Variants in TMEM132D observed in about 807,000 individuals in gnomAD.
TMEM132D encodes the protein transmembrane protein 132D, also known as mature OL transmembrane protein.
In TMEM132D, 21 loss-of-function variants were observed where a neutral mutation model predicts 62.3. That is an observed-to-expected ratio of 0.34 (90% CI 0.24 to 0.49). The LOEUF is 0.49. TMEM132D is among the 20% of genes least tolerant of loss of function. TMEM132D has a pLI of 0.99. For synonymous variants in TMEM132D, 621 were observed against 575.6 expected (o/e 1.08, Z -1.13); for missense variants, 1,346 against 1,402.8 (o/e 0.96, Z 0.65).
At chr12:129,810,963 G>A (rs1467752259) in intron 1 of TMEM132D, among the ~76,000 whole-genome samples, 2 of 151,840 alleles carry the variant, frequency 1.3e-5, no homozygotes, top group South Asian at 2.1e-4. Flanking sequence ...GGAAAGTTAT[G>A]GAAAATAAGA....
At chr12:129,348,152 C>T (rs1261622321) in intron 3 of TMEM132D, among the ~76,000 whole-genome samples, 1 of 152,124 alleles carries the variant, frequency 6.6e-6, no homozygotes, top group Non-Finnish European at 1.5e-5. Flanking sequence ...TGTGGCGATT[C>T]CCCAAGGATC....
rs1028544754 is a variant in TMEM132D at position 129,099,843 on chromosome 12, T to C, written c.1444-15141A>G. On this transcript the variant is annotated intron_variant, in intron 5 of 8. Transcript: ENST00000422113. ...TTTTTTTATTTTTATTTTTATTTTT[T>C]GAGACGGAGTCTCGCTCTGTCGCCC... 4.6e-5 allele frequency among the ~76,000 whole-genome samples: 6 copies of C among 131,118 alleles called. 2 individuals carry two copies. Among genetic ancestry groups the C allele is most frequent in the African/African-American group, 2.7e-4 (6 of 22,178 alleles). The allele number at this position is 131,118 out of a possible 152,430, so 86.0% of individuals were successfully genotyped here.
chr12:129,360,182 G>A (rs1323425989), intron 3 of TMEM132D, among the ~76,000 whole-genome samples: 1 of 152,132 alleles, frequency 6.6e-6, no homozygotes, highest in Non-Finnish European at 1.5e-5. Flanking sequence ...AAACCCCGGT[G>A]ATGATGACAG....
intron 4 of TMEM132D, among the ~76,000 whole-genome samples, chr12:129,295,284 C>T (rs1370898780): frequency 6.6e-6 from 1 of 152,158 alleles, no homozygotes; most frequent in East Asian, 1.9e-4. Flanking sequence ...GCCGGCTACA[C>T]ACTACAGAAC....
At chr12:129,583,081 T>G (rs1202450194) in intron 2 of TMEM132D, among the ~76,000 whole-genome samples, 1 of 152,216 alleles carries the variant, frequency 6.6e-6, no homozygotes, top group East Asian at 1.9e-4. Flanking sequence ...GTGCTGGGAT[T>G]ACAGGCGTGA....
intron 2 of TMEM132D, among the ~76,000 whole-genome samples, chr12:129,612,759 CT>C (rs1878810502): frequency 6.6e-6 from 1 of 152,012 alleles, no homozygotes; most frequent in African/African-American, 2.4e-5. Context: ...TTAGTCTGAC[CT>C]TTTGCCCCTG....
chr12:129,132,390 A>T (rs78532359), intron 5 of TMEM132D, among the ~76,000 whole-genome samples: 1,668 of 152,306 alleles, frequency 0.011, 31 homozygotes, highest in African/African-American at 0.038. Context: ...TATTTCAAAG[A>T]CAAATAAGGG....
At chr12:129,163,204 A>C (rs1477822100) in intron 5 of TMEM132D, among the ~76,000 whole-genome samples, 1 of 152,250 alleles carries the variant, frequency 6.6e-6, no homozygotes, top group Non-Finnish European at 1.5e-5. Flanking sequence ...ACAAGTTGTA[A>C]TTGTGTTTGT....
chr12:129,621,163 C>G (rs1238675622), intron 2 of TMEM132D, among the ~76,000 whole-genome samples: 1 of 152,030 alleles, frequency 6.6e-6, no homozygotes, highest in Non-Finnish European at 1.5e-5. Flanking sequence ...CATCTCAGAA[C>G]AAACACTGTA....
intron 1 of TMEM132D, among the ~76,000 whole-genome samples, chr12:129,719,382 G>C (rs1341815884): frequency 6.6e-6 from 1 of 152,186 alleles, no homozygotes; most frequent in Non-Finnish European, 1.5e-5. Context: ...ACATTTCCTT[G>C]AATGGAAAAA....
chr12:129,494,511 G>T (rs1230356229), intron 3 of TMEM132D, among the ~76,000 whole-genome samples: 2 of 152,126 alleles, frequency 1.3e-5, no homozygotes, highest in African/African-American at 4.8e-5. Context: ...ATGTTGACAG[G>T]ATATGTAAAT....
chr12:129,321,726 T>A (rs1231463433), intron 4 of TMEM132D, among the ~76,000 whole-genome samples: 1 of 148,400 alleles, frequency 6.7e-6, no homozygotes, highest in Non-Finnish European at 1.5e-5. Flanking sequence ...GCCCAGCTAA[T>A]TTTTTTGTAT....
chr12:129,356,727 T>C (rs2044847772), intron 3 of TMEM132D, among the ~76,000 whole-genome samples: 2 of 151,248 alleles, frequency 1.3e-5, no homozygotes, highest in Admixed American at 1.3e-4. Flanking sequence ...TAGCCAGGCA[T>C]GGTGGTGTGT....
At chr12:129,244,790 G>A (rs983946203) in intron 4 of TMEM132D, among the ~76,000 whole-genome samples, 3 of 151,974 alleles carry the variant, frequency 2.0e-5, no homozygotes, top group African/African-American at 7.2e-5. Context: ...ACAGGTGTGG[G>A]CCACCACACC....
At chr12:129,363,464 T>C (rs1244345743) in intron 3 of TMEM132D, among the ~76,000 whole-genome samples, 1 of 152,256 alleles carries the variant, frequency 6.6e-6, no homozygotes, top group Non-Finnish European at 1.5e-5. Flanking sequence ...TATTAATTGA[T>C]AGTGATGATC....
intron 2 of TMEM132D, among the ~76,000 whole-genome samples, chr12:129,537,158 TAAA>T (rs10635477): frequency 2.6e-5 from 3 of 114,354 alleles, no homozygotes; most frequent in East Asian, 2.7e-4. Context: ...AAACTCTGTC[TAAA>T]AAAAAAAAAA....
At chr12:129,720,998 G>A (rs920151273) in intron 1 of TMEM132D, among the ~76,000 whole-genome samples, 1 of 152,228 alleles carries the variant, frequency 6.6e-6, no homozygotes, top group African/African-American at 2.4e-5. Flanking sequence ...TCACTGCAGG[G>A]GAAGATGGGG....
intron 1 of TMEM132D, among the ~76,000 whole-genome samples, chr12:129,760,649 T>C (rs1212868339): frequency 6.9e-6 from 1 of 144,448 alleles, no homozygotes; most frequent in Non-Finnish European, 1.5e-5. Context: ...GCCCGGACTT[T>C]TTTTTTTTTT....
chr12:129,871,480 C>T (rs759501673), intron 1 of TMEM132D, among the ~76,000 whole-genome samples: 1 of 152,006 alleles, frequency 6.6e-6, no homozygotes, highest in Non-Finnish European at 1.5e-5. Context: ...GCAACGAATC[C>T]CCCTTTCTGT....
Sources: allele counts gnomAD v4.1 joint callset (sites outside exome capture counted in the v4.1 genomes callset), GRCh38; gene constraint gnomAD v4.1.1; transcripts MANE v1.5; gene names NCBI Gene and HGNC (gene_info 2026-07-23, HGNC 2026-07-21).